The following KCNMA1 variants were observed in gnomAD, a reference collection of about 807,000 sequenced individuals.
KCNMA1 encodes potassium calcium-activated channel subfamily M alpha 1.
KCNMA1 carries 29 observed loss-of-function variants against 140.0 expected under a neutral mutation model. That is an observed-to-expected ratio of 0.21 (90% CI 0.15 to 0.28). The LOEUF (loss-of-function observed/expected upper bound fraction) is 0.28. Ranked by LOEUF, KCNMA1 falls within the 10% of genes least tolerant of loss-of-function variation. The pLI, the probability that KCNMA1 is intolerant of heterozygous loss-of-function variation, is 1.00. For synonymous variants in KCNMA1, 612 were observed against 611.9 expected (o/e 1.00, Z 0.00); for missense variants, 880 against 1,602.2 (o/e 0.55, Z 7.70).
At chr10:77,244,634 A>G (rs1273519346) in intron 3 of KCNMA1, among the ~76,000 whole-genome samples, 1 of 152,200 alleles carries the variant, frequency 6.6e-6, no homozygotes, top group African/African-American at 2.4e-5. Context: ...GGACATATAA[A>G]GAAGTTGACT....
intron 20 of KCNMA1, among the ~76,000 whole-genome samples, chr10:76,960,112 A>T (rs1283463115): frequency 6.6e-6 from 1 of 152,192 alleles, no homozygotes; most frequent in African/African-American, 2.4e-5. Flanking sequence ...AGAAAGGGAA[A>T]CCAGCATCGC....
intron 3 of KCNMA1, chr10:77,250,987 T>C: frequency 1.7e-6 from 1 of 596,378 alleles, no homozygotes; most frequent in Non-Finnish European, 3.0e-6. Flanking sequence ...TACCTCACCC[T>C]CCTATGCCAG....
chr10:76,941,516 A>G (rs1175287196), intron 23 of KCNMA1, among the ~76,000 whole-genome samples: 1 of 152,164 alleles, frequency 6.6e-6, no homozygotes, highest in East Asian at 1.9e-4. Context: ...CTGCCTTTAC[A>G]AGGTTAGAGT....
chr10:77,560,839 T>G (rs1185046301), intron 1 of KCNMA1, among the ~76,000 whole-genome samples: 1 of 152,210 alleles, frequency 6.6e-6, no homozygotes. Flanking sequence ...TCAAGCAAAC[T>G]GTGTGGCTGG....
intron 15 of KCNMA1, among the ~76,000 whole-genome samples, chr10:77,029,659 T>A (rs1357141904): frequency 6.6e-6 from 1 of 152,086 alleles, no homozygotes; most frequent in Non-Finnish European, 1.5e-5. Flanking sequence ...TCAGAAGGGG[T>A]ATATCATCTG....
At chr10:77,456,500 C>T (rs1275052985) in intron 1 of KCNMA1, among the ~76,000 whole-genome samples, 1 of 152,208 alleles carries the variant, frequency 6.6e-6, no homozygotes, top group Admixed American at 6.5e-5. Context: ...CCACTTCTAC[C>T]TCCGTGACAG....
intron 3 of KCNMA1, among the ~76,000 whole-genome samples, chr10:77,204,860 A>G (rs1452503704): frequency 6.6e-6 from 1 of 152,176 alleles, no homozygotes; most frequent in Admixed American, 6.5e-5. Flanking sequence ...GAAAGACCCC[A>G]CGGGTGACCC....
chr10:77,609,295 C>A (rs2085832700), intron 1 of KCNMA1, among the ~76,000 whole-genome samples: 1 of 152,212 alleles, frequency 6.6e-6, no homozygotes, highest in Non-Finnish European at 1.5e-5. Flanking sequence ...CCATTTCCAA[C>A]AACATGGATG....
intron 23 of KCNMA1, among the ~76,000 whole-genome samples, chr10:76,921,966 C>T (rs2055969281): frequency 6.6e-6 from 1 of 152,166 alleles, no homozygotes; most frequent in Non-Finnish European, 1.5e-5. Context: ...AAGGCAGCAG[C>T]TTCTCCTGAA....
At chr10:77,050,317 G>A (rs1394195860) in intron 14 of KCNMA1, among the ~76,000 whole-genome samples, 1 of 151,726 alleles carries the variant, frequency 6.6e-6, no homozygotes, top group Non-Finnish European at 1.5e-5. Flanking sequence ...AAAAAAACTG[G>A]GAGAAGAGGA....
chr10:77,307,880 C>T (rs2078220056), intron 2 of KCNMA1, among the ~76,000 whole-genome samples: 1 of 152,158 alleles, frequency 6.6e-6, no homozygotes, highest in South Asian at 2.1e-4. Context: ...ATATTTTCAA[C>T]TTATGATGGG....
intron 2 of KCNMA1, among the ~76,000 whole-genome samples, chr10:77,299,850 A>G (rs1310540686): frequency 1.3e-5 from 2 of 152,180 alleles, no homozygotes; most frequent in East Asian, 1.9e-4. Context: ...CAGAGCTACA[A>G]GGCTCTCCAA....
At chr10:77,247,856 G>A (rs2058885056) in intron 3 of KCNMA1, among the ~76,000 whole-genome samples, 1 of 152,028 alleles carries the variant, frequency 6.6e-6, no homozygotes, top group Non-Finnish European at 1.5e-5. Flanking sequence ...TTTTAGTAAG[G>A]TTTAACGTAA....
At chr10:76,997,693 C>A (rs2084835264) in intron 19 of KCNMA1, among the ~76,000 whole-genome samples, 1 of 152,172 alleles carries the variant, frequency 6.6e-6, no homozygotes, top group Non-Finnish European at 1.5e-5. Context: ...TGATTGGAAT[C>A]TACTTCTATA....
chr10:77,382,247 C>A (rs577662240), intron 2 of KCNMA1, among the ~76,000 whole-genome samples: 5 of 152,280 alleles, frequency 3.3e-5, no homozygotes, highest in African/African-American at 1.2e-4. Flanking sequence ...AGCCACCAGT[C>A]CCCCTGCAGC....
At chr10:77,462,564 C>T (rs2097898502) in intron 1 of KCNMA1, among the ~76,000 whole-genome samples, 1 of 152,214 alleles carries the variant, frequency 6.6e-6, no homozygotes, top group Admixed American at 6.5e-5. Context: ...CACACACACC[C>T]TCACACATGC....
chr10:77,228,102 T>G (rs755444785), intron 3 of KCNMA1, among the ~76,000 whole-genome samples: 2 of 151,844 alleles, frequency 1.3e-5, no homozygotes, highest in African/African-American at 2.4e-5. Context: ...GTAGCTGGGA[T>G]TACAGGCACG....
At position 77,090,520 on chromosome 10, in the gene KCNMA1, A is replaced by G; in HGVS notation, c.1224-10T>C. ...GCAGACCACAATGTGCCTGAACAGGAGAGGCCAGTTAGATCAGGCCAGGCA... is the reference window on the plus strand; with the variant it reads ...GCAGACCACAATGTGCCTGAACAGGGGAGGCCAGTTAGATCAGGCCAGGCA... On this transcript the variant is annotated splice_polypyrimidine_tract_variant and intron_variant, in intron 9 of 27. Transcript: ENST00000286628. 1 of 1,590,104 alleles carries G rather than the reference A, an allele frequency of 6.3e-7. No individual in the cohort carries two copies. Among genetic ancestry groups the G allele is most frequent in the Non-Finnish European group, 8.6e-7 (1 of 1,158,032 alleles).
intron 2 of KCNMA1, among the ~76,000 whole-genome samples, chr10:77,295,802 A>AAAAAAAAAAAAAAC: frequency 6.7e-6 from 1 of 149,828 alleles, no homozygotes; most frequent in African/African-American, 2.5e-5. Flanking sequence ...AAAAAAAAAA[A>AAAAAAAAAAAAAAC]AAAAAAAAAA....
Sources: allele counts gnomAD v4.1 joint callset (sites outside exome capture counted in the v4.1 genomes callset), GRCh38; gene constraint gnomAD v4.1.1; transcripts MANE v1.5; gene names NCBI Gene and HGNC (gene_info 2026-07-23, HGNC 2026-07-21).